FUT9: variants seen among roughly 807,000 people sequenced by gnomAD.
The protein encoded by FUT9 is fucosyltransferase 9, also known as 4-galactosyl-N-acetylglucosaminide 3-alpha-L-fucosyltransferase 9.
In FUT9, 15 loss-of-function variants were observed where a neutral mutation model predicts 29.7. That is an observed-to-expected ratio of 0.51 (90% CI 0.34 to 0.78). The LOEUF (loss-of-function observed/expected upper bound fraction) is 0.78. FUT9 is among the 30% of genes least tolerant of loss of function. FUT9 has a pLI of 0.01. For synonymous variants in FUT9, 169 were observed against 153.7 expected, an observed-to-expected ratio of 1.10 and a Z score of -0.74; for missense variants, 319 against 425.4, an observed-to-expected ratio of 0.75 and a Z score of 2.20.
chr6:96,169,154 T>C (rs1270804239), intron 2 of FUT9, among the ~76,000 whole-genome samples: 1 of 152,214 alleles, frequency 6.6e-6, no homozygotes. Context: ...CTACAGTGAC[T>C]TACCAAGTAG....
At chr6:96,040,530 C>G (rs986683477) in intron 1 of FUT9, among the ~76,000 whole-genome samples, 1 of 152,108 alleles carries the variant, frequency 6.6e-6, no homozygotes, top group Non-Finnish European at 1.5e-5. Flanking sequence ...ACACCTTTCA[C>G]GACAGGCAAT....
At chr6:96,180,902 A>T (rs1773294179) in intron 2 of FUT9, among the ~76,000 whole-genome samples, 2 of 149,456 alleles carry the variant, frequency 1.3e-5, no homozygotes, top group Admixed American at 1.4e-4. Flanking sequence ...TTGATGACTT[A>T]AGCAAATGCT....
chr6:96,091,825 C>T (rs1170119384), intron 1 of FUT9, among the ~76,000 whole-genome samples: 1 of 151,910 alleles, frequency 6.6e-6, no homozygotes, highest in African/African-American at 2.4e-5. Context: ...GGGGCTTTGC[C>T]AAGTCCAGAT....
At chr6:96,202,757 A>G (rs1157882119) in intron 2 of FUT9, among the ~76,000 whole-genome samples, 1 of 152,200 alleles carries the variant, frequency 6.6e-6, no homozygotes. Flanking sequence ...AAGTGATTAT[A>G]TCAACTGGGA....
intron 2 of FUT9, among the ~76,000 whole-genome samples, chr6:96,200,525 T>C (rs1773709400): frequency 6.6e-6 from 1 of 152,108 alleles, no homozygotes; most frequent in Non-Finnish European, 1.5e-5. Flanking sequence ...GTGTGTAAAA[T>C]GCTTGGCACA....
chr6:96,033,101 A>G (rs1770292464), intron 1 of FUT9, among the ~76,000 whole-genome samples: 1 of 151,674 alleles, frequency 6.6e-6, no homozygotes, highest in Non-Finnish European at 1.5e-5. Context: ...GAAATTCTGT[A>G]TAATTAATTA....
At chr6:96,064,274 A>G (rs957499507) in intron 1 of FUT9, among the ~76,000 whole-genome samples, 4 of 152,314 alleles carry the variant, frequency 2.6e-5, no homozygotes, top group South Asian at 2.1e-4. Flanking sequence ...CTTGTTACCT[A>G]TGAGTTTAGT....
In FUT9 at chr6:96,209,058, T is replaced by C. The variant is rs1773886047; in HGVS notation, c.*4823T>C. The C allele has an allele frequency of 6.0e-6, 1 of 166,842 alleles. No homozygotes were observed. Among genetic ancestry groups the C allele is most frequent in the African/African-American group, 2.4e-5 (1 of 41,420 alleles). 10.3% of individuals were successfully genotyped at this position (166,842 alleles called of 1,614,324 possible). ...AACAGTTAACAGAATCTAAATAAGATATAGCCGGCTAAATCTGGAATGTGA... is the reference window on the plus strand; with the variant it reads ...AACAGTTAACAGAATCTAAATAAGACATAGCCGGCTAAATCTGGAATGTGA... On this transcript the variant is annotated 3_prime_UTR_variant, in exon 3 of 3. Transcript: ENST00000302103.
rs1043899796 is a variant in FUT9, at chr6:96,031,670, T to A, written c.-98+15458T>A. 7.9e-5 allele frequency among the ~76,000 whole-genome samples: 12 copies of A among 151,680 alleles called. 1 individual carries two copies. The highest frequency in any genetic ancestry group is 2.7e-4 in the African/African-American group (11 of 41,486). Reference sequence around the variant, plus strand: ...GGAAGTATACCTTTGACCTGCTCCATCTACTAGTCATCAAAAACTTAGTTA... The same window carrying A: ...GGAAGTATACCTTTGACCTGCTCCAACTACTAGTCATCAAAAACTTAGTTA... On this transcript the variant is annotated intron_variant, in intron 1 of 2. Coordinates refer to ENST00000302103, the MANE Select transcript of FUT9 (RefSeq NM_006581.4).
chr6:96,068,555 A>G (rs568963131), intron 1 of FUT9, among the ~76,000 whole-genome samples: 8 of 136,034 alleles, frequency 5.9e-5, no homozygotes, highest in Non-Finnish European at 8.0e-5. Flanking sequence ...TTGGTGACAT[A>G]GCAAACTATT....
intron 1 of FUT9, among the ~76,000 whole-genome samples, chr6:96,053,525 G>A (rs561887334): frequency 2.1e-4 from 32 of 152,032 alleles, no homozygotes; most frequent in Non-Finnish European, 3.8e-4. Flanking sequence ...TGGCTAGCAC[G>A]GTGAAAACCC....
At chr6:96,069,329 A>AAG (rs995466008) in intron 1 of FUT9, among the ~76,000 whole-genome samples, 4 of 152,004 alleles carry the variant, frequency 2.6e-5, no homozygotes, top group African/African-American at 4.8e-5. Context: ...TCAAAAAAAA[A>AAG]AAAGTAAAGA....
intron 1 of FUT9, among the ~76,000 whole-genome samples, chr6:96,107,359 T>C (rs955323490): frequency 4.6e-5 from 7 of 152,196 alleles, no homozygotes; most frequent in African/African-American, 1.7e-4. Flanking sequence ...TAAAAATATA[T>C]GTACATTCTG....
chr6:96,029,787 A>G (rs532611828), intron 1 of FUT9, among the ~76,000 whole-genome samples: 1 of 151,788 alleles, frequency 6.6e-6, no homozygotes, highest in South Asian at 2.1e-4. Context: ...AATGTATTAA[A>G]GAACCTAATA....
At chr6:96,106,184 G>A (rs1462749295) in intron 1 of FUT9, among the ~76,000 whole-genome samples, 1 of 96,394 alleles carries the variant, frequency 1.0e-5, no homozygotes, top group South Asian at 3.1e-4. Context: ...ATGAGAATGA[G>A]CCCAAGATAA....
At chr6:96,111,060 A>T (rs776403519) in intron 1 of FUT9, among the ~76,000 whole-genome samples, 4 of 152,126 alleles carry the variant, frequency 2.6e-5, no homozygotes, top group African/African-American at 4.8e-5. Context: ...AAGTAAAAAC[A>T]CTTAGTGAAT....
intron 2 of FUT9, among the ~76,000 whole-genome samples, chr6:96,151,734 C>T (rs182832170): frequency 1.7e-3 from 262 of 152,210 alleles, no homozygotes; most frequent in African/African-American, 5.8e-3. Flanking sequence ...GTTTCAGCTA[C>T]GATATTTTGA....
intron 1 of FUT9, among the ~76,000 whole-genome samples, chr6:96,054,787 G>A (rs186410025): frequency 1.3e-5 from 2 of 151,978 alleles, no homozygotes; most frequent in African/African-American, 2.4e-5. Context: ...CTGAAAGAGC[G>A]AGAAAAAAAT....
chr6:96,089,665 C>A (rs978329681), intron 1 of FUT9, among the ~76,000 whole-genome samples: 1 of 152,084 alleles, frequency 6.6e-6, no homozygotes, highest in Admixed American at 6.6e-5. Context: ...AAGCTTTCAG[C>A]ATATTGACAG....
Sources: gnomAD v4.1 joint callset for allele counts (sites outside exome capture counted in the v4.1 genomes callset) on GRCh38, gnomAD v4.1.1 for gene constraint, MANE v1.5 for transcripts, NCBI Gene and HGNC (gene_info 2026-07-23, HGNC 2026-07-21) for gene names.